SFI1: variants seen among roughly 807,000 people sequenced by gnomAD.
SFI1 encodes the protein protein SFI1 homolog.
A neutral mutation model predicts 207.5 loss-of-function variants in SFI1; 195 were observed. That is an observed-to-expected ratio of 0.94 (90% CI 0.84 to 1.06). The LOEUF (loss-of-function observed/expected upper bound fraction) is 1.06. Among genes scored for constraint, SFI1 ranks in the 50% least tolerant of loss-of-function variants. The pLI is 0.00. For missense variants in SFI1, 1,634 were observed against 1,588.0 expected (o/e 1.03, Z -0.49); for synonymous variants, 630 against 598.9 (o/e 1.05, Z -0.76).
At chr22:31,595,928 GC>G (rs1227435573) in intron 15 of SFI1, among the ~76,000 whole-genome samples, 1 of 152,190 alleles carries the variant, frequency 6.6e-6, no homozygotes, top group Non-Finnish European at 1.5e-5. Context: ...GGAGGGGCAT[GC>G]ATTGGGAGAA....
intron 22 of SFI1, 43 bp from the exon 23 acceptor site, chr22:31,611,100 G>T: frequency 6.2e-7 from 1 of 1,613,852 alleles, no homozygotes. Context: ...GTCACTGGTG[G>T]AAATCCCACA....
chr22:31,513,725 A>C (rs1476938743), intron 2 of SFI1, among the ~76,000 whole-genome samples: 1 of 151,866 alleles, frequency 6.6e-6, no homozygotes, highest in Non-Finnish European at 1.5e-5. Context: ...TTACAGGTGC[A>C]CACCACCATG....
intron 9 of SFI1, among the ~76,000 whole-genome samples, chr22:31,574,383 G>T (rs1291927861): frequency 6.6e-6 from 1 of 152,160 alleles, no homozygotes; most frequent in Non-Finnish European, 1.5e-5. Context: ...CAAATTCCAG[G>T]TCTGATTCCC....
chr22:31,580,542 C>CTTTTTTTTTTT (rs11347645), intron 12 of SFI1, among the ~76,000 whole-genome samples, 178 bp downstream of exon 12: 21 of 117,262 alleles, frequency 1.8e-4, no homozygotes, highest in Non-Finnish European at 3.0e-4. Flanking sequence ...CTTTTCTTTT[C>CTTTTTTTTTTT]TTTTTTTTTT....
At chr22:31,561,134 T>G (rs1972097289) in intron 7 of SFI1, among the ~76,000 whole-genome samples, 156 bp from the exon 8 acceptor site, 1 of 152,086 alleles carries the variant, frequency 6.6e-6, no homozygotes, top group Non-Finnish European at 1.5e-5. Flanking sequence ...TTTTCTCAAT[T>G]GTTTTGTTTT....
At position 31,528,683 on chromosome 22, in the gene SFI1, A is replaced by C. The variant is rs577973696; in HGVS notation, c.93-7A>C. 1 of 1,611,436 alleles carries C rather than the reference A, an allele frequency of 6.2e-7. No homozygotes were observed. Among genetic ancestry groups the C allele is most frequent in the East Asian group, 2.2e-5 (1 of 44,858 alleles). Reference sequence around the variant, plus strand: ...CTCTCCTTGCCTCTTTCGTCCTCAAATTTAAGGTATTTTAAGGATGGTGCA... The same window carrying C: ...CTCTCCTTGCCTCTTTCGTCCTCAACTTTAAGGTATTTTAAGGATGGTGCA... On this transcript the variant is annotated splice_polypyrimidine_tract_variant and splice_region_variant and intron_variant, in intron 2 of 32. Transcript: ENST00000400288.
intron 8 of SFI1, among the ~76,000 whole-genome samples, chr22:31,563,223 G>A (rs1352927120): frequency 6.6e-6 from 1 of 151,690 alleles, no homozygotes; most frequent in East Asian, 1.9e-4. Context: ...TAACTCCTGA[G>A]CTCAGGCAAT....
At chr22:31,594,304 C>T (rs903573899) in intron 15 of SFI1, among the ~76,000 whole-genome samples, 18 of 152,096 alleles carry the variant, frequency 1.2e-4, no homozygotes, top group Non-Finnish European at 4.4e-5. Flanking sequence ...AATCCCAGCA[C>T]TTTGGGAGGC....
At chr22:31,508,130 G>A in intron 1 of SFI1, 125 bp from the exon 2 acceptor site, 2 of 569,060 alleles carry the variant, frequency 3.5e-6, no homozygotes, top group South Asian at 4.5e-5. Flanking sequence ...CAGAGACCTA[G>A]CCCACATTCA....
chr22:31,511,382 C>A (rs1292740832), intron 2 of SFI1, among the ~76,000 whole-genome samples: 2 of 151,812 alleles, frequency 1.3e-5, no homozygotes, highest in Admixed American at 6.6e-5. Context: ...ACTCTTTAGG[C>A]CTGCTTTATT....
intron 8 of SFI1, among the ~76,000 whole-genome samples, chr22:31,571,162 T>G (rs944249323): frequency 6.6e-6 from 1 of 152,186 alleles, no homozygotes; most frequent in Non-Finnish European, 1.5e-5. Context: ...TTTGTTTGTT[T>G]AAGAATCACT....
intron 15 of SFI1, among the ~76,000 whole-genome samples, chr22:31,595,427 T>C (rs2066961834): frequency 6.6e-6 from 1 of 152,258 alleles, no homozygotes; most frequent in Non-Finnish European, 1.5e-5. Context: ...TAATTTCCTT[T>C]TCACAGTGAT....
intron 11 of SFI1, 70 bp from the exon 12 acceptor site, chr22:31,580,202 C>A: frequency 8.0e-7 from 1 of 1,248,810 alleles, no homozygotes; most frequent in Non-Finnish European, 1.2e-6. Flanking sequence ...TGTTTGCCTT[C>A]CTCTACTCTT....
intron 2 of SFI1, among the ~76,000 whole-genome samples, chr22:31,520,599 G>A (rs1029129762): frequency 6.6e-6 from 1 of 151,694 alleles, no homozygotes; most frequent in African/African-American, 2.4e-5. Context: ...ATTGCCAGAG[G>A]GAAAGTAATA....
Position 31,613,203 on chromosome 22 carries a change from C to A in SFI1, c.2552C>A (p.Ser851Ter), listed in dbSNP as rs372099956. 1 of 1,613,680 alleles carries A rather than the reference C, an allele frequency of 6.2e-7. No individual in the cohort carries two copies. Among genetic ancestry groups the A allele is most frequent in the Non-Finnish European group, 8.5e-7 (1 of 1,180,038 alleles). The change falls in exon 25 of 33, where the codon TCG becomes TAG. Residue 851 changes from serine (S) to a stop codon, truncating the protein, a stop_gained. Transcript: ENST00000400288. LOFTEE classifies it high-confidence loss of function. ...TVRALWFWAF[S>*]LQAKVWATWL... ...CGGGCCCTGTGGTTCTGGGCCTTCTCGCTGCAGGCAAAGGTAATTGGGGCT... is the reference window on the plus strand; with the variant it reads ...CGGGCCCTGTGGTTCTGGGCCTTCTAGCTGCAGGCAAAGGTAATTGGGGCT...
intron 8 of SFI1, among the ~76,000 whole-genome samples, chr22:31,568,033 A>AAAT (rs2062505993): frequency 6.6e-6 from 1 of 152,038 alleles, no homozygotes. Context: ...AAGATAAAGC[A>AAAT]AATAATTATG....
chr22:31,589,222 GTGTGT>G (rs1196396126), intron 14 of SFI1, among the ~76,000 whole-genome samples: 1 of 151,390 alleles, frequency 6.6e-6, no homozygotes, highest in Non-Finnish European at 1.5e-5. Context: ...GTGTGTGTGT[GTGTGT>G]GTGTGTGTAG....
intron 7 of SFI1, among the ~76,000 whole-genome samples, chr22:31,558,126 T>C (rs2061345875): frequency 1.3e-5 from 2 of 152,200 alleles, no homozygotes; most frequent in Admixed American, 1.3e-4. Context: ...ATCTGTGAAA[T>C]AGTTACACCA....
chr22:31,613,107 G>C (rs1173468232), intron 24 of SFI1, 35 bp from the exon 25 acceptor site: 1 of 1,608,638 alleles, frequency 6.2e-7, no homozygotes, highest in Admixed American at 1.7e-5. Context: ...CCTTGAAGGG[G>C]CTATAGGGAA....
Sources: allele counts gnomAD v4.1 joint callset (sites outside exome capture counted in the v4.1 genomes callset), GRCh38; gene constraint gnomAD v4.1.1; transcripts MANE v1.5; gene names NCBI Gene and HGNC (gene_info 2026-07-23, HGNC 2026-07-21).